The following GALNT13 variants were observed in gnomAD, a reference collection of about 807,000 sequenced individuals.
The protein encoded by GALNT13 is UDP-GalNAc:polypeptide N-acetylgalactosaminyltransferase 13.
A neutral mutation model predicts 64.2 loss-of-function variants in GALNT13; 28 were observed. The observed-to-expected ratio is 0.44, with a 90% CI of 0.32 to 0.60. The LOEUF (loss-of-function observed/expected upper bound fraction) is 0.60. Among genes scored for constraint, GALNT13 ranks in the 20% least tolerant of loss-of-function variants. GALNT13 has a pLI of 0.05. For synonymous variants in GALNT13, 214 were observed against 224.6 expected (o/e 0.95, Z 0.42); for missense variants, 577 against 669.8 (o/e 0.86, Z 1.53).
chr2:153,394,565 A>G, the GALNT13 span, among the ~76,000 whole-genome samples: 2 of 152,098 alleles, frequency 1.3e-5, no homozygotes, highest in African/African-American at 4.8e-5. Flanking sequence ...CTACAGTTAT[A>G]AAACTTAGCA....
the GALNT13 span, among the ~76,000 whole-genome samples, chr2:153,136,848 C>CCA: frequency 6.9e-3 from 1,019 of 148,400 alleles, 12 homozygotes; most frequent in African/African-American, 0.019. Context: ...GGTGTTTGCA[C>CCA]CACACACACA....
chr2:154,354,168 T>C (rs979114631), intron 9 of GALNT13, among the ~76,000 whole-genome samples: 6 of 152,166 alleles, frequency 3.9e-5, no homozygotes, highest in Admixed American at 6.5e-5. Flanking sequence ...TAAACATACA[T>C]TTTCATATAC....
intron 3 of GALNT13, among the ~76,000 whole-genome samples, chr2:154,016,027 T>C (rs1488956590): frequency 6.6e-6 from 1 of 152,216 alleles, no homozygotes; most frequent in Non-Finnish European, 1.5e-5. Flanking sequence ...GAAATTAGCT[T>C]ATTCTTTGTC....
At chr2:154,408,838 TTAAAG>T (rs1699666614) in intron 10 of GALNT13, 141 bp from the exon 11 acceptor site, 5 of 620,228 alleles carry the variant, frequency 8.1e-6, no homozygotes, top group African/African-American at 5.6e-5. Context: ...AGACAAATAT[TTAAAG>T]TAATATGTTT....
the GALNT13 span, among the ~76,000 whole-genome samples, chr2:153,084,829 G>T: frequency 6.6e-6 from 1 of 152,166 alleles, no homozygotes; most frequent in Non-Finnish European, 1.5e-5. Context: ...CACTAGTACA[G>T]TAAATTGGTA....
intron 3 of GALNT13, among the ~76,000 whole-genome samples, chr2:154,123,645 G>A (rs777096612): frequency 1.6e-4 from 25 of 151,930 alleles, no homozygotes; most frequent in Non-Finnish European, 2.8e-4. Flanking sequence ...GTGCCTTAGA[G>A]AACGGTTTGT....
At chr2:153,707,860 T>C in the GALNT13 span, among the ~76,000 whole-genome samples, 1 of 152,170 alleles carries the variant, frequency 6.6e-6, no homozygotes, top group Non-Finnish European at 1.5e-5. Flanking sequence ...GTTATTGATC[T>C]GAGTGTAGTT....
the GALNT13 span, among the ~76,000 whole-genome samples, chr2:153,202,188 G>C: frequency 2.0e-5 from 3 of 151,676 alleles, no homozygotes; most frequent in African/African-American, 7.3e-5. Flanking sequence ...GTTTCACCTT[G>C]TTAGCCAGGA....
the GALNT13 span, among the ~76,000 whole-genome samples, chr2:153,117,992 C>A: frequency 6.6e-6 from 1 of 152,054 alleles, no homozygotes; most frequent in African/African-American, 2.4e-5. Flanking sequence ...TATCTATTAT[C>A]TTTTCCTTGA....
the GALNT13 span, among the ~76,000 whole-genome samples, chr2:153,126,347 T>C: frequency 6.0e-5 from 6 of 99,546 alleles, no homozygotes; most frequent in African/African-American, 2.1e-4. Flanking sequence ...TATATATATA[T>C]GATATTAAGG....
At chr2:153,287,311 G>C in the GALNT13 span, among the ~76,000 whole-genome samples, 1 of 152,174 alleles carries the variant, frequency 6.6e-6, no homozygotes, top group Non-Finnish European at 1.5e-5. Context: ...AAACCCCGGT[G>C]GGCGTGTGTT....
chr2:154,065,041 A>G (rs945531432), intron 3 of GALNT13, among the ~76,000 whole-genome samples: 1 of 151,992 alleles, frequency 6.6e-6, no homozygotes, highest in Non-Finnish European at 1.5e-5. Flanking sequence ...ATTCAACACA[A>G]GCTGACTGAA....
At chr2:153,902,352 A>G (rs1339654120) in intron 2 of GALNT13, among the ~76,000 whole-genome samples, 1 of 152,036 alleles carries the variant, frequency 6.6e-6, no homozygotes, top group Non-Finnish European at 1.5e-5. Flanking sequence ...TTGTTTAGTA[A>G]TTTTATTTCC....
At chr2:153,743,996 A>G in the GALNT13 span, among the ~76,000 whole-genome samples, 1 of 152,146 alleles carries the variant, frequency 6.6e-6, no homozygotes, top group East Asian at 1.9e-4. Flanking sequence ...GCTGTGAATG[A>G]CAGGATTGTA....
At chr2:154,417,294 A>C (rs2105413307) in intron 11 of GALNT13, among the ~76,000 whole-genome samples, 1 of 151,266 alleles carries the variant, frequency 6.6e-6, no homozygotes, top group Admixed American at 6.6e-5. Flanking sequence ...AAAAAAAAAA[A>C]AAAAAAAAAC....
At chr2:153,297,405 T>C in the GALNT13 span, among the ~76,000 whole-genome samples, 1 of 152,124 alleles carries the variant, frequency 6.6e-6, no homozygotes, top group African/African-American at 2.4e-5. Context: ...TACCTGAACA[T>C]TTATAAAGAG....
intron 3 of GALNT13, among the ~76,000 whole-genome samples, chr2:154,023,287 TG>T (rs1320762173): frequency 1.3e-5 from 2 of 152,176 alleles, no homozygotes; most frequent in African/African-American, 4.8e-5. Flanking sequence ...ATGTTGACAG[TG>T]GGGTGTTAAA....
intron 2 of GALNT13, among the ~76,000 whole-genome samples, chr2:153,939,724 G>A (rs937359864): frequency 6.6e-6 from 1 of 152,124 alleles, no homozygotes; most frequent in African/African-American, 2.4e-5. Flanking sequence ...TGTTTCTGAT[G>A]ATAACAATAT....
chr2:153,814,325 A>G, the GALNT13 span, among the ~76,000 whole-genome samples: 2 of 152,168 alleles, frequency 1.3e-5, no homozygotes, highest in Non-Finnish European at 2.9e-5. Flanking sequence ...CTGTAGTCCC[A>G]GCTACTGGGG....
Sources: gnomAD v4.1 joint callset for allele counts (sites outside exome capture counted in the v4.1 genomes callset) on GRCh38, gnomAD v4.1.1 for gene constraint, MANE v1.5 for transcripts, NCBI Gene and HGNC (gene_info 2026-07-23, HGNC 2026-07-21) for gene names.